MTREX: variants seen among roughly 807,000 people sequenced by gnomAD.
MTREX encodes the protein Mtr4 exosome RNA helicase.
Under a neutral mutation model 135.4 loss-of-function variants are expected in MTREX, and 76 were observed. The observed-to-expected ratio is 0.56, with a 90% confidence interval of 0.47 to 0.68. The LOEUF is 0.68. Ranked by LOEUF, MTREX falls within the 30% of genes least tolerant of loss-of-function variation. The pLI is 0.00. For synonymous variants in MTREX, 404 were observed against 401.6 expected, an observed-to-expected ratio of 1.01 and a Z score of -0.07; for missense variants, 920 against 1,262.1, an observed-to-expected ratio of 0.73 and a Z score of 4.11.
chr5:55,412,633 A>C (rs230770), intron 23 of MTREX, among the ~76,000 whole-genome samples: 130,804 of 152,162 alleles, frequency 0.86, 56,619 homozygotes, highest in South Asian at 0.92. Context: ...TCACTAATGA[A>C]GTGAAACTTA....
Position 55,378,386 on chromosome 5 carries a change from A to C in MTREX, c.1883A>C (p.Lys628Thr). Residue 628 changes from lysine (K) to threonine (T), a missense_variant, in exon 17 of 27, where the codon AAG (lysine) becomes ACG (threonine). Lys to Thr is a moderately conservative substitution (Grantham distance 78). Coordinates refer to ENST00000230640, the MANE Select transcript of MTREX (RefSeq NM_015360.5). Reference protein sequence around the residue: ...PNEESVVIYYKIRQQLAKLGK... With the variant: ...PNEESVVIYYTIRQQLAKLGK... ...GAAGAAAGTGTGGTTATCTATTATA[A>C]GATTAGACAGCAGCTTGCCAAATTG... 6.2e-7 allele frequency: 1 copy of C among 1,612,282 alleles called. No individual in the cohort carries two copies. Among genetic ancestry groups the C allele is most frequent in the South Asian group, 1.1e-5 (1 of 90,364 alleles).
intron 19 of MTREX, among the ~76,000 whole-genome samples, chr5:55,395,375 C>T (rs1355106110): frequency 6.6e-6 from 1 of 152,082 alleles, no homozygotes; most frequent in Admixed American, 6.5e-5. Context: ...CATTGCACTC[C>T]AGCCTGGGCG....
At chr5:55,378,163 A>T in intron 16 of MTREX, 151 bp from the exon 17 acceptor site, 1 of 829,694 alleles carries the variant, frequency 1.2e-6, no homozygotes, top group Non-Finnish European at 1.7e-6. Flanking sequence ...GCTTTTGGAT[A>T]GATGAACACA....
intron 1 of MTREX, among the ~76,000 whole-genome samples, chr5:55,308,878 CTT>C (rs750853968): frequency 1.3e-5 from 2 of 152,160 alleles, no homozygotes; most frequent in Admixed American, 6.5e-5. Flanking sequence ...AAAATATACT[CTT>C]GGCATTGTGG....
At chr5:55,414,077 G>A (rs1447137448) in intron 23 of MTREX, 105 bp from the exon 24 acceptor site, 5 of 729,804 alleles carry the variant, frequency 6.9e-6, no homozygotes, top group Non-Finnish European at 1.1e-5. Context: ...CTTATAATTT[G>A]ATATGTGACT....
rs1259803883 is a variant in MTREX, at chr5:55,351,094, G to A, written c.1431+65G>A. ...TTGTATGAAGAGTTTGAAAATGAGA[G>A]AACATTGTTTATAGGCAATATGTGT... On this transcript the variant is annotated intron_variant, in intron 13 of 26. Coordinates refer to ENST00000230640, the MANE Select transcript of MTREX (RefSeq NM_015360.5). 3.4e-6 allele frequency: 5 copies of A among 1,468,808 alleles called. No individual in the cohort carries two copies. The African/African-American group carries it at 7.2e-5, about 21-fold the overall frequency. The allele number at this position is 1,468,808 out of a possible 1,614,324, so 91.0% of individuals were successfully genotyped here.
At chr5:55,369,547 T>G (rs1056442755) in intron 16 of MTREX, among the ~76,000 whole-genome samples, 1 of 152,204 alleles carries the variant, frequency 6.6e-6, no homozygotes, top group African/African-American at 2.4e-5. Flanking sequence ...TCCCAAATAT[T>G]ATCCCATTTT....
chr5:55,308,940 C>T (rs971857740), intron 1 of MTREX, among the ~76,000 whole-genome samples: 18 of 152,128 alleles, frequency 1.2e-4, no homozygotes, highest in Non-Finnish European at 2.4e-4. Flanking sequence ...TGATTTTGCT[C>T]TCAAGGAATT....
intron 14 of MTREX, among the ~76,000 whole-genome samples, chr5:55,355,582 C>T (rs1749898505): frequency 6.6e-6 from 1 of 152,188 alleles, no homozygotes; most frequent in Non-Finnish European, 1.5e-5. Context: ...GACCCTGGGG[C>T]AACCCTGCCA....
intron 25 of MTREX, among the ~76,000 whole-genome samples, chr5:55,419,827 G>A (rs747218169): frequency 6.8e-6 from 1 of 147,806 alleles, no homozygotes; most frequent in Non-Finnish European, 1.5e-5. Flanking sequence ...CACATGTTTT[G>A]AAAGCAAATA....
intron 14 of MTREX, among the ~76,000 whole-genome samples, chr5:55,355,013 A>C (rs1749887550): frequency 6.6e-6 from 1 of 152,190 alleles, no homozygotes; most frequent in Admixed American, 6.6e-5. Context: ...AGCTCTGAGA[A>C]GGTCAGTGCC....
chr5:55,309,735 A>G (rs1749079511), intron 1 of MTREX, among the ~76,000 whole-genome samples: 1 of 152,168 alleles, frequency 6.6e-6, no homozygotes, highest in Non-Finnish European at 1.5e-5. Context: ...GACTGGAGGT[A>G]TATATTTGAA....
At chr5:55,365,776 G>A (rs953023345) in intron 15 of MTREX, among the ~76,000 whole-genome samples, 3 of 152,084 alleles carry the variant, frequency 2.0e-5, no homozygotes, top group Admixed American at 1.3e-4. Flanking sequence ...TGGGCGGAGA[G>A]GTCAAGAGAT....
chr5:55,368,995 G>A (rs746867366), intron 16 of MTREX, among the ~76,000 whole-genome samples: 5 of 151,686 alleles, frequency 3.3e-5, no homozygotes, highest in African/African-American at 1.2e-4. Flanking sequence ...AATGCCCCTC[G>A]TTTGGCTGAT....
chr5:55,391,797 C>T (rs765602189), intron 19 of MTREX, among the ~76,000 whole-genome samples: 32 of 152,156 alleles, frequency 2.1e-4, no homozygotes, highest in Non-Finnish European at 3.7e-4. Context: ...TTGAGATGTC[C>T]TGCCTTTTTA....
In MTREX at chr5:55,409,495, C is replaced by G. The variant is rs571086380; in HGVS notation, c.2646-1029C>G. Among the ~76,000 whole-genome samples, 11 of 152,204 alleles carry G rather than the reference C, an allele frequency of 7.2e-5. No individual in the cohort carries two copies. In the South Asian group the frequency reaches 2.1e-3, roughly 29 times the overall value. ...GAGATGATGAAGAAATTTTTTAAAA[C>G]CTGTTGAATTGATCATTCTAATCTT... On this transcript the variant is annotated intron_variant, in intron 22 of 26. Coordinates refer to ENST00000230640, the MANE Select transcript of MTREX (RefSeq NM_015360.5).
At chr5:55,394,625 T>C (rs550084407) in intron 19 of MTREX, among the ~76,000 whole-genome samples, 88 of 152,240 alleles carry the variant, frequency 5.8e-4, no homozygotes, top group African/African-American at 2.1e-3. Context: ...CAGGCAGTAA[T>C]GCTCTCTCCC....
chr5:55,339,587 A>T (rs773363578), intron 5 of MTREX, among the ~76,000 whole-genome samples: 2 of 152,226 alleles, frequency 1.3e-5, no homozygotes, highest in African/African-American at 2.4e-5. Flanking sequence ...TACATGTGGG[A>T]AAAGAATACA....
intron 10 of MTREX, 130 bp from the exon 11 acceptor site, chr5:55,346,883 T>A: frequency 1.5e-6 from 1 of 679,818 alleles, no homozygotes; most frequent in South Asian, 2.6e-5. Context: ...CTAAGAATGC[T>A]TTGTCTAACC....
Sources: allele counts gnomAD v4.1 joint callset (sites outside exome capture counted in the v4.1 genomes callset), GRCh38; gene constraint gnomAD v4.1.1; transcripts MANE v1.5; gene names NCBI Gene and HGNC (gene_info 2026-07-23, HGNC 2026-07-21).